Variants in ZNF609 observed in about 807,000 individuals in gnomAD.
ZNF609 encodes zinc finger protein 609.
Under a neutral mutation model 109.5 loss-of-function variants are expected in ZNF609, and 11 were observed. The observed-to-expected ratio is 0.10, with a 90% CI of 0.06 to 0.17. The LOEUF (loss-of-function observed/expected upper bound fraction) is 0.17, where lower values mean the gene tolerates loss of function less well. Among genes scored for constraint, ZNF609 ranks in the 10% least tolerant of loss-of-function variants. The pLI, the probability that ZNF609 is intolerant of heterozygous loss-of-function variation, is 1.00. For missense variants in ZNF609, 1,559 were observed against 1,772.4 expected (o/e 0.88, Z 2.16); for synonymous variants, 646 against 662.0 (o/e 0.98, Z 0.37).
At chr15:64,627,886 C>T (rs1895997201) in intron 3 of ZNF609, among the ~76,000 whole-genome samples, 1 of 150,702 alleles carries the variant, frequency 6.6e-6, no homozygotes, top group Admixed American at 6.6e-5. Context: ...TCTCAAACTC[C>T]AGGCCTCAAG....
chr15:64,496,815 C>T (rs1448724878), intron 1 of ZNF609, among the ~76,000 whole-genome samples: 4 of 151,098 alleles, frequency 2.6e-5, no homozygotes, highest in African/African-American at 4.9e-5. Context: ...TTCTTTTTTT[C>T]TTTCTTTTTT....
intron 2 of ZNF609, among the ~76,000 whole-genome samples, chr15:64,608,073 AT>A (rs1895642999): frequency 2.7e-5 from 4 of 148,250 alleles, no homozygotes; most frequent in Admixed American, 2.7e-4. Flanking sequence ...TAATTTTTGT[AT>A]TTTTAGAAGA....
intron 1 of ZNF609, 109 bp from the exon 2 acceptor site, chr15:64,499,184 G>C (rs1036942397): frequency 6.0e-6 from 3 of 500,332 alleles, no homozygotes; most frequent in African/African-American, 3.8e-5. Context: ...CATGTCTGTT[G>C]TGATATGATA....
chr15:64,499,578 C>A lies in ZNF609; in HGVS notation c.159C>A (p.Gly53=). The A allele has an allele frequency of 6.2e-7, 1 of 1,614,124 alleles. No homozygotes were observed. The highest frequency in any genetic ancestry group is 8.5e-7 in the Non-Finnish European group (1 of 1,180,028). ...ACCAGCAGAAACTGGAAATGTCAGG[C>A]TCAAAGGAGGTGGGGATACCGGCTC... ...EKDQQKLEMS[G]SKEVGIPAPN... The change falls in exon 2 of 10, where the codon GGC becomes GGA. Residue 53 remains glycine (G), a synonymous_variant. Coordinates refer to ENST00000326648, the MANE Select transcript of ZNF609 (RefSeq NM_015042.2).
At chr15:64,489,898 C>G in intron 1 of ZNF609, among the ~76,000 whole-genome samples, 1 of 152,096 alleles carries the variant, frequency 6.6e-6, no homozygotes, top group East Asian at 1.9e-4. Context: ...ATAAGAACTT[C>G]TAAAGAGCTA....
chr15:64,519,870 G>A (rs1307749585), intron 2 of ZNF609, among the ~76,000 whole-genome samples: 1 of 152,020 alleles, frequency 6.6e-6, no homozygotes, highest in African/African-American at 2.4e-5. Context: ...TTACCTCTCC[G>A]TATCTCATTT....
At chr15:64,597,792 A>G (rs1895422594) in intron 2 of ZNF609, among the ~76,000 whole-genome samples, 1 of 152,124 alleles carries the variant, frequency 6.6e-6, no homozygotes, top group African/African-American at 2.4e-5. Flanking sequence ...CCCCATCCCC[A>G]GCTCACAGGA....
chr15:64,569,859 G>C (rs1894833763), intron 2 of ZNF609, among the ~76,000 whole-genome samples: 1 of 152,104 alleles, frequency 6.6e-6, no homozygotes, highest in Non-Finnish European at 1.5e-5. Context: ...TGTCTTTTCT[G>C]AGTTAAAAAG....
Position 64,675,072 on chromosome 15 carries a change from G to A in ZNF609, c.2218G>A (p.Glu740Lys). ...CAAAAAAAAGAAGGAATCTTCAAAG[G>A]AACTTGAAAGTCCTCTGACCCCTGG... Reference protein sequence around the residue: ...KDKKKKESSKELESPLTPGKV... With the variant: ...KDKKKKESSKKLESPLTPGKV... Residue 740 changes from glutamate to lysine, a missense_variant, in exon 5 of 10, where the codon GAA becomes AAA. Glu to Lys is a moderately conservative substitution (Grantham distance 56). Around this residue, in one of 4 missense-constraint regions of ZNF609, gnomAD observed 1,204 missense variants for 1,314.1 expected, o/e 0.92. Coordinates refer to ENST00000326648, the MANE Select transcript of ZNF609 (RefSeq NM_015042.2). The A allele has an allele frequency of 6.2e-7, 1 of 1,614,142 alleles. No individual in the cohort carries two copies. The highest frequency in any genetic ancestry group is 8.5e-7 in the Non-Finnish European group (1 of 1,180,034).
intron 1 of ZNF609, among the ~76,000 whole-genome samples, chr15:64,474,665 G>A (rs1893141535): frequency 6.6e-6 from 1 of 152,104 alleles, no homozygotes; most frequent in South Asian, 2.1e-4. Context: ...TTATATGCCA[G>A]GCCACACATA....
chr15:64,657,571 G>T (rs747439216), intron 3 of ZNF609, among the ~76,000 whole-genome samples: 1 of 152,098 alleles, frequency 6.6e-6, no homozygotes, highest in Non-Finnish European at 1.5e-5. Context: ...CTGAGATCGC[G>T]CTACTGCACC....
At chr15:64,597,824 G>A (rs1895423448) in intron 2 of ZNF609, among the ~76,000 whole-genome samples, 1 of 151,994 alleles carries the variant, frequency 6.6e-6, no homozygotes, top group African/African-American at 2.4e-5. Context: ...CCTGTGCAGT[G>A]GATCTTCTGA....
Position 64,676,088 on chromosome 15 carries a change from C to A in ZNF609, c.3234C>A (p.Val1078=). ...CAGGGGCTGACCCAGCCAAATCAGT[C>A]ATCATTCCCAAGTTAGATGACTCTT... The part of the protein sequence containing the change: ...KEPGADPAKS[V]IIPKLDDSSK... Residue 1078 remains valine, a synonymous_variant, in exon 5 of 10, where the codon GTC becomes GTA. Transcript: ENST00000326648. The A allele has an allele frequency of 6.2e-7, 1 of 1,614,218 alleles. No individual in the cohort carries two copies. The highest frequency in any genetic ancestry group is 1.1e-5 in the South Asian group (1 of 91,080).
chr15:64,488,447 CAG>C (rs1345756532), intron 1 of ZNF609, among the ~76,000 whole-genome samples: 1 of 152,178 alleles, frequency 6.6e-6, no homozygotes, highest in African/African-American at 2.4e-5. Context: ...CCTCTGCCCT[CAG>C]GGTGGGTGCT....
At chr15:64,560,918 C>G (rs1894667545) in intron 2 of ZNF609, among the ~76,000 whole-genome samples, 2 of 152,142 alleles carry the variant, frequency 1.3e-5, no homozygotes, top group Admixed American at 6.5e-5. Context: ...AGCATAGTCT[C>G]AATGTCATTA....
At chr15:64,570,368 G>C (rs954777689) in intron 2 of ZNF609, among the ~76,000 whole-genome samples, 6 of 152,168 alleles carry the variant, frequency 3.9e-5, no homozygotes, top group African/African-American at 1.4e-4. Flanking sequence ...AAAGGCATTT[G>C]AGATGGTTAA....
intron 2 of ZNF609, among the ~76,000 whole-genome samples, chr15:64,557,189 TC>T (rs1318040266): frequency 1.9e-4 from 7 of 36,768 alleles, no homozygotes; most frequent in South Asian, 2.0e-3. Context: ...TTCTTATTCT[TC>T]TTTTTTTTTT....
At chr15:64,607,113 C>T (rs750922806) in intron 2 of ZNF609, among the ~76,000 whole-genome samples, 1 of 151,912 alleles carries the variant, frequency 6.6e-6, no homozygotes, top group Non-Finnish European at 1.5e-5. Context: ...CACTGCACTT[C>T]AGCCTGGGCA....
At chr15:64,468,037 G>A (rs970214832) in intron 1 of ZNF609, among the ~76,000 whole-genome samples, 1 of 149,854 alleles carries the variant, frequency 6.7e-6, no homozygotes, top group Non-Finnish European at 1.5e-5. Context: ...TTTGAGGCAG[G>A]GCCTTGCTCT....
Sources: allele counts gnomAD v4.1 joint callset (sites outside exome capture counted in the v4.1 genomes callset), GRCh38; gene constraint gnomAD v4.1.1; regional missense constraint gnomAD v4.1.1; transcripts MANE v1.5; gene names NCBI Gene and HGNC (gene_info 2026-07-23, HGNC 2026-07-21).